The following SRD5A2 variants were observed in gnomAD, a reference collection of about 807,000 sequenced individuals.
SRD5A2 encodes the protein steroid 5 alpha-reductase 2, also known as 3-oxo-5-alpha-steroid 4-dehydrogenase 2.
In SRD5A2, 30 loss-of-function variants were observed where a neutral mutation model predicts 27.4. The observed-to-expected ratio is 1.10, with a 90% CI of 0.82 to 1.49. The LOEUF (loss-of-function observed/expected upper bound fraction) is 1.49, where lower values mean the gene tolerates loss of function less well. Among genes scored for constraint, SRD5A2 ranks in the 40% most tolerant of loss-of-function variants. The pLI is 0.00. For synonymous variants in SRD5A2, 141 were observed against 133.6 expected, an observed-to-expected ratio of 1.06 and a Z score of -0.38; for missense variants, 348 against 323.4, an observed-to-expected ratio of 1.08 and a Z score of -0.58.
chr2:31,607,510 A>C, the SRD5A2 span, among the ~76,000 whole-genome samples: 6 of 151,980 alleles, frequency 3.9e-5, no homozygotes, highest in Non-Finnish European at 8.8e-5. Flanking sequence ...ACTGGAAAAA[A>C]AAAAGCTCAG....
chr2:31,528,315 C>G (rs185437038), intron 4 of SRD5A2, among the ~76,000 whole-genome samples: 7 of 152,348 alleles, frequency 4.6e-5, no homozygotes, highest in Non-Finnish European at 8.8e-5. Context: ...AAAATAAACC[C>G]TGGCATTGCA....
the SRD5A2 span, among the ~76,000 whole-genome samples, chr2:31,616,863 G>T: frequency 1.3e-5 from 2 of 152,112 alleles, no homozygotes; most frequent in Non-Finnish European, 2.9e-5. Context: ...ATATGGTTTG[G>T]TTGTGTCCTC....
In SRD5A2 at chr2:31,525,502, T is replaced by C. The variant is rs1665757563; in HGVS notation, c.*694A>G. 1.3e-5 allele frequency: 3 copies of C among 224,946 alleles called. No individual in the cohort carries two copies. Among genetic ancestry groups the C allele is most frequent in the Non-Finnish European group, 2.7e-5 (3 of 112,904 alleles). 13.9% of individuals were successfully genotyped at this position (224,946 alleles called of 1,614,324 possible). ...GTTATTAAAACCTGGCCTTCAAGAA[T>C]AGCCATACCAGTTTTCCGGGGATTG... On this transcript the variant is annotated 3_prime_UTR_variant, in exon 5 of 5. Coordinates refer to ENST00000622030, the MANE Select transcript of SRD5A2 (RefSeq NM_000348.4).
At chr2:31,541,436 C>A (rs926726149) in intron 1 of SRD5A2, among the ~76,000 whole-genome samples, 1 of 151,584 alleles carries the variant, frequency 6.6e-6, no homozygotes, top group African/African-American at 2.4e-5. Flanking sequence ...TGAAAAAGAC[C>A]TAACAGCAGA....
chr2:31,661,924 A>G, the SRD5A2 span, among the ~76,000 whole-genome samples: 2 of 152,082 alleles, frequency 1.3e-5, no homozygotes, highest in Non-Finnish European at 2.9e-5. Flanking sequence ...CCTTTCTTCT[A>G]TATCGGCCAA....
At chr2:31,571,405 A>T (rs1423751739) in intron 1 of SRD5A2, among the ~76,000 whole-genome samples, 1 of 152,134 alleles carries the variant, frequency 6.6e-6, no homozygotes, top group Non-Finnish European at 1.5e-5. Flanking sequence ...AAAACCTAAA[A>T]CCATAAACAC....
At chr2:31,528,520 C>A (rs1344204955) in intron 4 of SRD5A2, among the ~76,000 whole-genome samples, 1 of 152,178 alleles carries the variant, frequency 6.6e-6, no homozygotes, top group Non-Finnish European at 1.5e-5. Context: ...GTAATCCCAG[C>A]CCTTTGGGAG....
chr2:31,530,806 GTTAGGA>G (rs1665890657), intron 3 of SRD5A2, among the ~76,000 whole-genome samples: 1 of 152,182 alleles, frequency 6.6e-6, no homozygotes, highest in Admixed American at 6.5e-5. Context: ...CTTTGGAGCA[GTTAGGA>G]TTACAAACAT....
chr2:31,580,994 GC>G (rs1394245913), upstream of SRD5A2: 8 of 1,361,980 alleles, frequency 5.9e-6, no homozygotes, highest in Non-Finnish European at 5.9e-6. Flanking sequence ...ACCCGTGTCC[GC>G]CCCCTCGGCC....
chr2:31,659,437 A>G, the SRD5A2 span, among the ~76,000 whole-genome samples: 1,476 of 152,272 alleles, frequency 9.7e-3, 21 homozygotes, highest in South Asian at 0.051. Flanking sequence ...AAAACCTCAT[A>G]GTCTCTGCCT....
the SRD5A2 span, among the ~76,000 whole-genome samples, chr2:31,647,464 T>C: frequency 6.6e-6 from 1 of 152,224 alleles, no homozygotes; most frequent in African/African-American, 2.4e-5. Context: ...GTTTTAACTA[T>C]TAAGTTGCCT....
At chr2:31,606,314 C>T in the SRD5A2 span, among the ~76,000 whole-genome samples, 1 of 152,094 alleles carries the variant, frequency 6.6e-6, no homozygotes, top group Admixed American at 6.6e-5. Context: ...GTTTGTAACA[C>T]AAGGCATAAA....
intron 1 of SRD5A2, among the ~76,000 whole-genome samples, chr2:31,565,180 T>C (rs1288818549): frequency 2.0e-5 from 3 of 151,894 alleles, no homozygotes; most frequent in Non-Finnish European, 4.4e-5. Flanking sequence ...AATAAACCTT[T>C]AAGCAAATTA....
chr2:31,581,113 A>G, upstream of SRD5A2: 1 of 573,638 alleles, frequency 1.7e-6, no homozygotes, highest in Non-Finnish European at 3.0e-6. Flanking sequence ...CCGGAGGAGA[A>G]CGAAGGCCTT....
At chr2:31,654,520 C>A in the SRD5A2 span, among the ~76,000 whole-genome samples, 152 of 152,288 alleles carry the variant, frequency 1.0e-3, no homozygotes, top group African/African-American at 3.4e-3. Flanking sequence ...ATGAATTTTA[C>A]GGGCTTGAGT....
intron 4 of SRD5A2, among the ~76,000 whole-genome samples, chr2:31,526,583 GA>G: frequency 6.6e-6 from 1 of 150,828 alleles, no homozygotes; most frequent in East Asian, 1.9e-4. Context: ...TATCCTACCA[GA>G]AAAAAAAATG....
At chr2:31,621,176 A>G in the SRD5A2 span, among the ~76,000 whole-genome samples, 1 of 152,026 alleles carries the variant, frequency 6.6e-6, no homozygotes, top group African/African-American at 2.4e-5. Context: ...CAGATTATTG[A>G]CATTGATACA....
At chr2:31,629,792 T>C in the SRD5A2 span, among the ~76,000 whole-genome samples, 1 of 152,190 alleles carries the variant, frequency 6.6e-6, no homozygotes, top group African/African-American at 2.4e-5. Context: ...GTTCCGACCA[T>C]GACTTTCTTG....
the SRD5A2 span, among the ~76,000 whole-genome samples, chr2:31,619,219 G>T: frequency 1.3e-5 from 2 of 152,138 alleles, no homozygotes; most frequent in African/African-American, 4.8e-5. Context: ...TAGTGGGGAT[G>T]TAAAATTGTG....
Sources: gnomAD v4.1 joint callset for allele counts (sites outside exome capture counted in the v4.1 genomes callset) on GRCh38, gnomAD v4.1.1 for gene constraint, MANE v1.5 for transcripts, NCBI Gene and HGNC (gene_info 2026-07-23, HGNC 2026-07-21) for gene names.